Variants in SOCS1 observed in about 807,000 individuals in gnomAD.
SOCS1 encodes suppressor of cytokine signaling 1.
In SOCS1, 3 loss-of-function variants were observed where a neutral mutation model predicts 9.7. That is an observed-to-expected ratio of 0.31 (90% CI 0.14 to 0.80). The LOEUF is 0.80. Among genes scored for constraint, SOCS1 ranks in the 30% least tolerant of loss-of-function variants. The pLI, the probability that SOCS1 is intolerant of heterozygous loss-of-function variation, is 0.61. For synonymous variants in SOCS1, 194 were observed against 150.2 expected (o/e 1.29, Z -2.13); for missense variants, 368 against 324.7 (o/e 1.13, Z -1.02).
rs759898861 is a variant in SOCS1, at chr16:11,255,203, C to T, written c.276G>A (p.Arg92=). Residue 92 remains arginine, a synonymous_variant, in exon 2 of 2, where the codon CGG becomes CGA. Coordinates refer to ENST00000332029, the MANE Select transcript of SOCS1 (RefSeq NM_003745.2). The part of the protein sequence containing the change: ...GPLSVHGAHE[R]LRAEPVGTFL... ...AGGTGCCCACGGGCTCGGCGCGCAG[C>T]CGCTCGTGCGCCCCGTGCACGCTCA... 2 of 1,580,950 alleles carry T rather than the reference C, an allele frequency of 1.3e-6. No individual in the cohort carries two copies. Among genetic ancestry groups the T allele is most frequent in the East Asian group, 2.3e-5 (1 of 42,892 alleles).
At position 11,255,308 on chromosome 16, in the gene SOCS1, T is replaced by C; in HGVS notation, c.171A>G (p.Thr57=). The change falls in exon 2 of 2, where the codon ACA becomes ACG. Residue 57 remains threonine (T), a synonymous_variant. Coordinates refer to ENST00000332029, the MANE Select transcript of SOCS1 (RefSeq NM_003745.2). Reference sequence around the variant, plus strand: ...GCCGGTAATCGGCGTGCGAACGGAATGTGCGGAAGTGCGTGTCGCCGGGGG... The same window carrying C: ...GCCGGTAATCGGCGTGCGAACGGAACGTGCGGAAGTGCGTGTCGCCGGGGG... ...APAPGDTHFR[T]FRSHADYRRI... 6.7e-7 allele frequency: 1 copy of C among 1,489,628 alleles called. No individual in the cohort carries two copies. Among genetic ancestry groups the C allele is most frequent in the Non-Finnish European group, 8.9e-7 (1 of 1,124,344 alleles). 92.3% of individuals were successfully genotyped at this position (1,489,628 alleles called of 1,614,324 possible).
chr16:11,255,848 C>A (rs1805117285), intron 1 of SOCS1: 1 of 187,060 alleles, frequency 5.3e-6, no homozygotes, highest in South Asian at 1.9e-4. Context: ...CGCCCGCCGC[C>A]TGCTGGCCAG....
intron 1 of SOCS1, chr16:11,255,836 C>G (rs956261943): frequency 5.2e-6 from 1 of 194,044 alleles, no homozygotes. Flanking sequence ...CTCGCCGCCC[C>G]GCGCCCGCCG....
rs192591852 is a variant in SOCS1 at position 11,255,705 on chromosome 16, G to A, written c.-50-177C>T. The A allele has an allele frequency of 6.2e-4, 228 of 364,826 alleles. 1 individual carries two copies. Among genetic ancestry groups the A allele is most frequent in the African/African-American group, 1.4e-3 (68 of 47,668 alleles). 22.6% of individuals were successfully genotyped at this position (364,826 alleles called of 1,614,324 possible). A position where few individuals can be genotyped will look rare whatever the true frequency, so the allele number is the denominator to read the frequency against. On this transcript the variant is annotated intron_variant, in intron 1 of 1. Coordinates refer to ENST00000332029, the MANE Select transcript of SOCS1 (RefSeq NM_003745.2). The stretch of plus-strand genomic sequence containing the variant: ...TGGACACAGCTAGAAAATGGGCTCT[G>A]TACTCCGCGGAGCTCTTCCCGGCGG...
In SOCS1 at chr16:11,254,472, A is replaced by G. The variant is rs754377333; in HGVS notation, c.*371T>C. ...ACCTAAACTGACTTTAAAAAATATAAAATAGGATTCTGCACAGCAGAAAAA... is the reference window on the plus strand; with the variant it reads ...ACCTAAACTGACTTTAAAAAATATAGAATAGGATTCTGCACAGCAGAAAAA... On this transcript the variant is annotated 3_prime_UTR_variant, in exon 2 of 2. Transcript: ENST00000332029. The G allele has an allele frequency of 7.9e-6, 2 of 254,470 alleles. No individual in the cohort carries two copies. Among genetic ancestry groups the G allele is most frequent in the Non-Finnish European group, 7.5e-6 (1 of 132,804 alleles). The allele number at this position is 254,470 out of a possible 1,614,324, so 15.8% of individuals were successfully genotyped here.
In SOCS1 at chr16:11,255,317, G is replaced by A; in HGVS notation, c.162C>T (p.His54=). 1.3e-6 allele frequency: 2 copies of A among 1,481,740 alleles called. No individual in the cohort carries two copies. Among genetic ancestry groups the A allele is most frequent in the Non-Finnish European group, 1.8e-6 (2 of 1,120,562 alleles). 91.8% of individuals were successfully genotyped at this position (1,481,740 alleles called of 1,614,324 possible). A position where few individuals can be genotyped will look rare whatever the true frequency, so the allele number is the denominator to read the frequency against. The change falls in exon 2 of 2, where the codon CAC becomes CAT. Residue 54 remains histidine, a synonymous_variant. Coordinates refer to ENST00000332029, the MANE Select transcript of SOCS1 (RefSeq NM_003745.2). ...AVPAPAPGDT[H]FRTFRSHADY... ...CGGCGTGCGAACGGAATGTGCGGAA[G>A]TGCGTGTCGCCGGGGGCCGGGGCCG... is the stretch of plus-strand genomic sequence containing the variant.
In SOCS1 at chr16:11,255,016, C is replaced by G. The variant is rs778937880; in HGVS notation, c.463G>C (p.Val155Leu). The G allele has an allele frequency of 4.0e-5, 63 of 1,593,338 alleles. No individual in the cohort carries two copies. In the African/African-American group the frequency reaches 8.2e-4, roughly 21 times the overall value. ...DCLFELLEHY[V>L]AAPRRMLGAP... ...CCCAGCATGCGGCGCGGCGCCGCCA[C>G]GTAGTGCTCCAGCAGCTCGAAGAGG... Residue 155 changes from valine (V) to leucine (L), a missense_variant, in exon 2 of 2, where the codon GTG becomes CTG. Physicochemically the swap from Val to Leu is conservative, Grantham distance 32. Coordinates refer to ENST00000332029, the MANE Select transcript of SOCS1 (RefSeq NM_003745.2).
rs1366614108 is a variant in SOCS1 at position 11,254,780 on chromosome 16, G to A, written c.*63C>T. The stretch of plus-strand genomic sequence containing the variant: ...GGGGAGGGTACCCACATGGTTCCAG[G>A]CAAGTAATAACAAAATAACACGGCA... On this transcript the variant is annotated 3_prime_UTR_variant, in exon 2 of 2. Transcript: ENST00000332029. 7 of 1,418,970 alleles carry A rather than the reference G, an allele frequency of 4.9e-6. No individual in the cohort carries two copies. The South Asian group carries it at 5.1e-5, about 10-fold the overall frequency. 87.9% of individuals were successfully genotyped at this position (1,418,970 alleles called of 1,614,324 possible).
rs2069586736 is a variant in SOCS1, at chr16:11,255,411, G to C, written c.68C>G (p.Pro23Arg). 7.5e-7 allele frequency: 1 copy of C among 1,330,978 alleles called. No individual in the cohort carries two copies. Among genetic ancestry groups the C allele is most frequent in the Non-Finnish European group, 9.6e-7 (1 of 1,046,160 alleles). The allele number at this position is 1,330,978 out of a possible 1,614,324, so 82.4% of individuals were successfully genotyped here. A position where few individuals can be genotyped will look rare whatever the true frequency, so the allele number is the denominator to read the frequency against. ...GGAGGAGGAAGAGGAGGAAGGTTCTGGCCGCCGTCGGGGCTCTGCTGCTGT... is the reference window on the plus strand; with the variant it reads ...GGAGGAGGAAGAGGAGGAAGGTTCTCGCCGCCGTCGGGGCTCTGCTGCTGT... ...VSTAAEPRRR[P>R]EPSSSSSSSP... is the part of the protein sequence containing the mutation. Residue 23 changes from proline (P) to arginine (R), a missense_variant, in exon 2 of 2, where the codon CCA becomes CGA. Transcript: ENST00000332029.
Position 11,254,741 on chromosome 16 carries a change from C to G in SOCS1, c.*102G>C, listed in dbSNP as rs536056934. On this transcript the variant is annotated 3_prime_UTR_variant, in exon 2 of 2. Coordinates refer to ENST00000332029, the MANE Select transcript of SOCS1 (RefSeq NM_003745.2). ...CCTCGCCCCTACACCCATCCGCTCC[C>G]TCCAACCCAGGCCGGGGAGGGTACC... The G allele has an allele frequency of 1.5e-6, 2 of 1,368,616 alleles. No individual in the cohort carries two copies. The highest frequency in any genetic ancestry group is 1.9e-6 in the Non-Finnish European group (2 of 1,060,292). 84.8% of individuals were successfully genotyped at this position (1,368,616 alleles called of 1,614,324 possible).
At position 11,255,121 on chromosome 16, in the gene SOCS1, C is replaced by T. The variant is rs774980003; in HGVS notation, c.358G>A (p.Ala120Thr). Residue 120 changes from alanine (A) to threonine (T), a missense_variant, in exon 2 of 2, where the codon GCC becomes ACC. Coordinates refer to ENST00000332029, the MANE Select transcript of SOCS1 (RefSeq NM_003745.2). ...ACGCGGATGCTCGTGGGTCCCGAGG[C>T]CATCTTCACGCTAAGGGCGAAAAAG... ...NCFFALSVKM[A>T]SGPTSIRVHF... The T allele has an allele frequency of 9.3e-6, 15 of 1,609,244 alleles. No individual in the cohort carries two copies. The highest frequency in any genetic ancestry group is 1.6e-4 in the Middle Eastern group (1 of 6,076).
At chr16:11,255,750 G>C in intron 1 of SOCS1, 3 of 313,984 alleles carry the variant, frequency 9.6e-6, no homozygotes, top group Non-Finnish European at 1.7e-5. Context: ...CGGTGGAGGC[G>C]GAGTCCGGCC....
At position 11,255,479 on chromosome 16, in the gene SOCS1, C is replaced by T. The variant is rs2141125569; in HGVS notation, c.-1G>A. 2.4e-6 allele frequency: 3 copies of T among 1,275,360 alleles called. No homozygotes were observed. The highest frequency in any genetic ancestry group is 3.3e-5 in the South Asian group (1 of 30,492). The allele number at this position is 1,275,360 out of a possible 1,614,324, so 79.0% of individuals were successfully genotyped here. A position where few individuals can be genotyped will look rare whatever the true frequency, so the allele number is the denominator to read the frequency against. Reference sequence around the variant, plus strand: ...CTGCCACCTGGTTGTGTGCTACCATCCTACAGAAGGGGCCAGCCGGAGGGG... The same window carrying T: ...CTGCCACCTGGTTGTGTGCTACCATTCTACAGAAGGGGCCAGCCGGAGGGG... On this transcript the variant is annotated 5_prime_UTR_variant, in exon 2 of 2. Transcript: ENST00000332029.
In SOCS1 at chr16:11,254,768, A is replaced by G; in HGVS notation, c.*75T>C. ...CCAACCCAGGCCGGGGAGGGTACCC[A>G]CATGGTTCCAGGCAAGTAATAACAA... is the stretch of plus-strand genomic sequence containing the variant. On this transcript the variant is annotated 3_prime_UTR_variant, in exon 2 of 2. Transcript: ENST00000332029. 1.4e-6 allele frequency: 2 copies of G among 1,401,530 alleles called. No individual in the cohort carries two copies. 86.8% of individuals were successfully genotyped at this position (1,401,530 alleles called of 1,614,324 possible).
In SOCS1 at chr16:11,255,340, C is replaced by T; in HGVS notation, c.139G>A (p.Ala47Thr). The change falls in exon 2 of 2, where the codon GCC becomes ACC. Residue 47 changes from alanine (A) to threonine (T), a missense_variant. Physicochemically the swap from Ala to Thr is moderately conservative, Grantham distance 58 (BLOSUM62 0). Transcript: ENST00000332029. ...AAGTGCGTGTCGCCGGGGGCCGGGGCCGGGACCGCGGGGCACGGCCGCGGG... is the reference window on the plus strand; with the variant it reads ...AAGTGCGTGTCGCCGGGGGCCGGGGTCGGGACCGCGGGGCACGGCCGCGGG... ...ARPRPCPAVPAPAPGDTHFRT... is the reference protein window; with the variant it reads ...ARPRPCPAVPTPAPGDTHFRT... 1 of 1,428,902 alleles carries T rather than the reference C, an allele frequency of 7.0e-7. No individual in the cohort carries two copies. The highest frequency in any genetic ancestry group is 1.5e-5 in the South Asian group (1 of 68,334). 88.5% of individuals were successfully genotyped at this position (1,428,902 alleles called of 1,614,324 possible).
Position 11,254,995 on chromosome 16 carries a change from G to C in SOCS1, c.484C>G (p.Leu162Val). The change falls in exon 2 of 2, where the codon CTG becomes GTG. Residue 162 changes from leucine to valine, a missense_variant. Transcript: ENST00000332029. ...CGGCGCTGGCGCAGCGGGGCCCCCA[G>C]CATGCGGCGCGGCGCCGCCACGTAG... ...EHYVAAPRRM[L>V]GAPLRQRRVR... 6.4e-7 allele frequency: 1 copy of C among 1,565,278 alleles called. No individual in the cohort carries two copies. Among genetic ancestry groups the C allele is most frequent in the Non-Finnish European group, 8.6e-7 (1 of 1,159,678 alleles).
In SOCS1 at chr16:11,254,884, C is replaced by T. The variant is rs773971612; in HGVS notation, c.595G>A (p.Val199Ile). The T allele has an allele frequency of 1.3e-6, 2 of 1,498,124 alleles. No homozygotes were observed. Among genetic ancestry groups the T allele is most frequent in the Non-Finnish European group, 8.8e-7 (1 of 1,132,370 alleles). 92.8% of individuals were successfully genotyped at this position (1,498,124 alleles called of 1,614,324 possible). A position where few individuals can be genotyped will look rare whatever the true frequency, so the allele number is the denominator to read the frequency against. The change falls in exon 2 of 2, where the codon GTC becomes ATC. Residue 199 changes from valine (V) to isoleucine (I), a missense_variant. Transcript: ENST00000332029. The stretch of plus-strand genomic sequence containing the variant: ...AAGGAGCTCAGGTAGTCGCGGAGGA[C>T]GGGGTTGAGGGGGATGCGAGCCAGG... ...ENLARIPLNP[V>I]LRDYLSSFPF...
In SOCS1 at chr16:11,255,377, C is replaced by G. The variant is rs1221652523; in HGVS notation, c.102G>C (p.Ala34=). 7.5e-7 allele frequency: 1 copy of G among 1,337,764 alleles called. No individual in the cohort carries two copies. The highest frequency in any genetic ancestry group is 4.1e-5 in the Admixed American group (1 of 24,226). The allele number at this position is 1,337,764 out of a possible 1,614,324, so 82.9% of individuals were successfully genotyped here. A position where few individuals can be genotyped will look rare whatever the true frequency, so the allele number is the denominator to read the frequency against. ...GGCACGGCCGCGGGCGCGCGGGGGC[C>G]GCGGGCGAGGAGGAGGAAGAGGAGG... The part of the protein sequence containing the change: ...EPSSSSSSSP[A]APARPRPCPA... Residue 34 remains alanine, a synonymous_variant, in exon 2 of 2, where the codon GCG becomes GCC. Coordinates refer to ENST00000332029, the MANE Select transcript of SOCS1 (RefSeq NM_003745.2).
chr16:11,255,105 C>T lies in SOCS1; in HGVS notation c.374G>A (p.Ser125Asn). 2 of 1,610,012 alleles carry T rather than the reference C, an allele frequency of 1.2e-6. No homozygotes were observed. Among genetic ancestry groups the T allele is most frequent in the African/African-American group, 2.7e-5 (2 of 74,574 alleles). ...GCCGGCCTGAAAGTGCACGCGGATG[C>T]TCGTGGGTCCCGAGGCCATCTTCAC... ...LSVKMASGPT[S>N]IRVHFQAGRF... Residue 125 changes from serine (S) to asparagine (N), a missense_variant, in exon 2 of 2, where the codon AGC becomes AAC. Transcript: ENST00000332029.
Sources: allele counts gnomAD v4.1 joint callset, GRCh38; gene constraint gnomAD v4.1.1; transcripts MANE v1.5; gene names NCBI Gene and HGNC (gene_info 2026-07-23, HGNC 2026-07-21).